Variants in AIFM1 observed in about 807,000 individuals in gnomAD.
AIFM1 encodes the protein apoptosis inducing factor mitochondria associated 1.
AIFM1 carries 3 observed loss-of-function variants against 51.7 expected under a neutral mutation model. The observed-to-expected ratio is 0.06, with a 90% confidence interval of 0.03 to 0.15. The LOEUF is 0.15. Ranked by LOEUF, AIFM1 falls within the 10% of genes least tolerant of loss-of-function variation. The probability of loss-of-function intolerance (pLI) is 1.00; values close to 1 mark genes in which losing one functional copy is unlikely to be tolerated. For missense variants in AIFM1, 330 were observed against 476.8 expected (o/e 0.69, Z 2.87); for synonymous variants, 178 against 179.4 (o/e 0.99, Z 0.06).
At chrX:130,162,175 A>G (rs1205379485) in intron 1 of AIFM1, among the ~76,000 whole-genome samples, 1 of 112,153 alleles carries the variant, frequency 8.9e-6, no homozygotes, top group Non-Finnish European at 1.9e-5. Context: ...GTCCTCAGGT[A>G]GTGTTTAATT....
chrX:130,165,618 C>A lies in AIFM1; in HGVS notation c.39G>T (p.Lys13Asn). ...TCCGCACCAAGGGCACCAGCTTCTG[C>A]TTCAAAGCACCCGCCGCCAGGCCTC... ...RCGGLAAGAL[K>N]QKLVPLVRTV... The change falls in exon 1 of 16, where the codon AAG becomes AAT. Residue 13 changes from lysine (K) to asparagine (N), a missense_variant. Lys to Asn is a moderately conservative substitution (Grantham distance 94, BLOSUM62 0). Coordinates refer to ENST00000287295, the MANE Select transcript of AIFM1 (RefSeq NM_004208.4). The A allele has an allele frequency of 8.3e-7, 1 of 1,202,712 alleles. No individual in the cohort carries two copies. Among genetic ancestry groups the A allele is most frequent in the Non-Finnish European group, 1.1e-6 (1 of 890,596 alleles).
At chrX:130,145,592 ATAT>A (rs766814661) in intron 5 of AIFM1, 23 bp from the exon 6 acceptor site, 15 of 1,087,866 alleles carry the variant, frequency 1.4e-5, no homozygotes, top group Non-Finnish European at 1.9e-5. Context: ...GAGAGGGAGA[ATAT>A]TATAAGCATG....
intron 6 of AIFM1, among the ~76,000 whole-genome samples, chrX:130,143,177 G>C (rs1391223020): frequency 1.8e-5 from 2 of 111,323 alleles, no homozygotes; most frequent in Non-Finnish European, 3.8e-5. Flanking sequence ...TCCCTGGGAG[G>C]CTTCACCTAC....
At chrX:130,138,326 G>A (rs1490748767) in intron 9 of AIFM1, among the ~76,000 whole-genome samples, 6 of 110,719 alleles carry the variant, frequency 5.4e-5, no homozygotes, top group South Asian at 7.7e-4. Flanking sequence ...TTAGCCAGGC[G>A]TGGTTACAGG....
chrX:130,132,671 G>A (rs2030142858), intron 13 of AIFM1, among the ~76,000 whole-genome samples: 1 of 112,127 alleles, frequency 8.9e-6, no homozygotes, highest in South Asian at 3.6e-4. Context: ...CCAAAGTGCT[G>A]GGATTAGAGG....
At chrX:130,140,982 G>A (rs976772419) in intron 6 of AIFM1, among the ~76,000 whole-genome samples, 13 of 112,187 alleles carry the variant, frequency 1.2e-4, no homozygotes, top group African/African-American at 2.9e-4. Flanking sequence ...CAGGTGTGGC[G>A]GCATATGCCT....
intron 6 of AIFM1, 100 bp downstream of exon 6, chrX:130,145,379 A>G: frequency 1.5e-6 from 1 of 661,191 alleles, no homozygotes; most frequent in South Asian, 2.2e-5. Context: ...ATGAACTACA[A>G]TGGCAGGACA....
chrX:130,146,928 G>A (rs900539299), intron 5 of AIFM1, among the ~76,000 whole-genome samples: 4 of 112,324 alleles, frequency 3.6e-5, no homozygotes, highest in African/African-American at 6.5e-5. Flanking sequence ...TTGGGAGGCC[G>A]AGGAAGGCGG....
At position 130,149,577 on chromosome X, in the gene AIFM1, C is replaced by G. The variant is rs769644052; in HGVS notation, c.250-9G>C. The stretch of plus-strand genomic sequence containing the variant: ...TTCATAGTCTTGTAGGCCTGCGGAT[C>G]CAAACATGGAGAAAGTTTATTTCAC... On this transcript the variant is annotated splice_polypyrimidine_tract_variant and intron_variant, in intron 2 of 15. Coordinates refer to ENST00000287295, the MANE Select transcript of AIFM1 (RefSeq NM_004208.4). 3.6e-5 allele frequency: 41 copies of G among 1,146,549 alleles called. No individual in the cohort carries two copies. The highest frequency in any genetic ancestry group is 4.3e-5 in the Non-Finnish European group (36 of 838,264). 94.5% of individuals were successfully genotyped at this position (1,146,549 alleles called of 1,213,427 possible). A position where few individuals can be genotyped will look rare whatever the true frequency, so the allele number is the denominator to read the frequency against.
At position 130,138,205 on chromosome X, in the gene AIFM1, C is replaced by T. The variant is rs993597687; in HGVS notation, c.967+388G>A. Among the ~76,000 whole-genome samples the T allele has an allele frequency of 2.7e-5, 3 of 111,838 alleles. No homozygotes were observed. The Admixed American group carries it at 2.9e-4, about 11-fold the overall frequency. On this transcript the variant is annotated intron_variant, in intron 9 of 15. Transcript: ENST00000287295. ...ATTAGGCTGGGTGTGGTGGCTCACGCCTGTAATCCCAGCACTTTGGGAGGC... is the reference window on the plus strand; with the variant it reads ...ATTAGGCTGGGTGTGGTGGCTCACGTCTGTAATCCCAGCACTTTGGGAGGC...
rs183351739 is a variant in AIFM1 at position 130,164,257 on chromosome X, A to G, written c.106+1294T>C. Among the ~76,000 whole-genome samples the G allele has an allele frequency of 4.5e-3, 507 of 111,926 alleles. 3 individuals are homozygous for G. The highest frequency in any genetic ancestry group is 0.016 in the African/African-American group (484 of 30,802). On this transcript the variant is annotated intron_variant, in intron 1 of 15. Coordinates refer to ENST00000287295, the MANE Select transcript of AIFM1 (RefSeq NM_004208.4). ...ATTTCAATACACAAAACCCTCAAAG[A>G]TGACATCCATTGATAAGGCATTAGT...
Position 130,156,533 on chromosome X carries a change from T to A in AIFM1, c.177A>T (p.Ala59=). The part of the protein sequence containing the change: ...QMTRQMASSG[A]SGGKIDNSVL... ...CAGAATTATCGATTTTGCCCCCTGA[T>A]GCACCAGAGCTAGCCATTTGTCTTG... Residue 59 remains alanine (A), a synonymous_variant, in exon 2 of 16, where the codon GCA becomes GCT. Coordinates refer to ENST00000287295, the MANE Select transcript of AIFM1 (RefSeq NM_004208.4). The A allele has an allele frequency of 4.1e-6, 5 of 1,211,747 alleles. No individual in the cohort carries two copies. Among genetic ancestry groups the A allele is most frequent in the Non-Finnish European group, 5.6e-6 (5 of 895,330 alleles).
chrX:130,135,036 C>T (rs1952894232), intron 12 of AIFM1, among the ~76,000 whole-genome samples: 1 of 109,315 alleles, frequency 9.1e-6, no homozygotes, highest in Non-Finnish European at 1.9e-5. Context: ...GGTGACTTTC[C>T]TCTCCTCTCT....
chrX:130,146,463 G>A (rs2030756730), intron 5 of AIFM1, among the ~76,000 whole-genome samples: 1 of 106,788 alleles, frequency 9.4e-6, no homozygotes, highest in Non-Finnish European at 1.9e-5. Flanking sequence ...GTGTGTGTGT[G>A]TGTGTGTGTG....
intron 15 of AIFM1, 96 bp downstream of exon 15, chrX:130,129,874 C>T (rs1382445219): frequency 1.0e-5 from 11 of 1,050,995 alleles, no homozygotes; most frequent in Admixed American, 4.4e-5. Flanking sequence ...TTGACCTGGC[C>T]GGGGGACAAT....
chrX:130,145,615 T>C, intron 5 of AIFM1, 46 bp from the exon 6 acceptor site: 3 of 998,253 alleles, frequency 3.0e-6, no homozygotes, highest in Non-Finnish European at 4.3e-6. Flanking sequence ...GTGGAACTGT[T>C]ATCAGCTTCC....
rs760430538 is a variant in AIFM1 at position 130,136,101 on chromosome X, C to A, written c.1249G>T (p.Asp417Tyr). Residue 417 changes from aspartate to tyrosine, a missense_variant, in exon 12 of 16, where the codon GAT (aspartate) becomes TAT (tyrosine). By Grantham distance (160) the Asp-to-Tyr change is radical. Around this residue, in one of 4 missense-constraint regions of AIFM1, gnomAD observed 152 missense variants for 292.8 expected, o/e 0.52. Coordinates refer to ENST00000287295, the MANE Select transcript of AIFM1 (RefSeq NM_004208.4). ...AKTGGLEIDS[D>Y]FGGFRVNAEL... ...GCATTTACCCGGAAGCCACCAAAAT[C>A]TGAGTCTATTTCCAGGCCACCAGTC... is the stretch of plus-strand genomic sequence containing the variant. 8.3e-7 allele frequency: 1 copy of A among 1,212,009 alleles called. No homozygotes were observed. Among genetic ancestry groups the A allele is most frequent in the East Asian group, 3.0e-5 (1 of 33,860 alleles).
At chrX:130,140,095 C>A (rs1231572402) in intron 7 of AIFM1, among the ~76,000 whole-genome samples, 1 of 112,437 alleles carries the variant, frequency 8.9e-6, no homozygotes, top group Non-Finnish European at 1.9e-5. Context: ...GGGGTACACC[C>A]TGCCCCTAGG....
intron 2 of AIFM1, among the ~76,000 whole-genome samples, 172 bp from the exon 3 acceptor site, chrX:130,149,740 C>T (rs887595426): frequency 8.9e-6 from 1 of 111,975 alleles, no homozygotes; most frequent in East Asian, 2.8e-4. Context: ...ACTGGGTGTG[C>T]ACATGCTTGG....
Sources: gnomAD v4.1 joint callset for allele counts (sites outside exome capture counted in the v4.1 genomes callset) on GRCh38, gnomAD v4.1.1 for gene constraint, gnomAD v4.1.1 regional missense constraint, MANE v1.5 for transcripts, NCBI Gene and HGNC (gene_info 2026-07-23, HGNC 2026-07-21) for gene names.